The following SPPL2B variants were observed in gnomAD, a reference collection of about 807,000 sequenced individuals.
SPPL2B encodes signal peptide peptidase-like 2B.
A neutral mutation model predicts 59.7 loss-of-function variants in SPPL2B; 39 were observed. That is an observed-to-expected ratio of 0.65 (90% CI 0.51 to 0.85). The LOEUF is 0.85. SPPL2B is among the 40% of genes least tolerant of loss of function. The probability of loss-of-function intolerance (pLI) is 0.00; values close to 1 mark genes in which losing one functional copy is unlikely to be tolerated. For synonymous variants in SPPL2B, 419 were observed against 370.8 expected (o/e 1.13, Z -1.49); for missense variants, 865 against 849.0 (o/e 1.02, Z -0.23).
intron 3 of SPPL2B, chr19:2,338,480 G>A (rs1177125235): frequency 2.5e-6 from 1 of 401,974 alleles, no homozygotes; most frequent in Admixed American, 4.0e-5. Flanking sequence ...TGTGCGGTTC[G>A]GGAGTCCCAC....
At chr19:2,341,667 T>G (rs1969066222) in intron 8 of SPPL2B, 2 of 449,548 alleles carry the variant, frequency 4.4e-6, no homozygotes, top group Non-Finnish European at 4.5e-6. Flanking sequence ...TTGGCTTTGG[T>G]GTGTATTGGA....
chr19:2,339,226 C>G lies in SPPL2B; in HGVS notation c.599+18C>G. 1 of 1,598,390 alleles carries G rather than the reference C, an allele frequency of 6.3e-7. No individual in the cohort carries two copies. Among genetic ancestry groups the G allele is most frequent in the African/African-American group, 1.3e-5 (1 of 74,802 alleles). On this transcript the variant is annotated intron_variant, in intron 5 of 14. Coordinates refer to ENST00000613503, the MANE Select transcript of SPPL2B (RefSeq NM_152988.3). ...GTGAAGAAGTGAGTTTCGCATCGTG[C>G]GTGTGCTGTGACGGGGTCGGGCGGC...
At chr19:2,333,281 A>G (rs1416467591) in intron 1 of SPPL2B, among the ~76,000 whole-genome samples, 25 of 60,386 alleles carry the variant, frequency 4.1e-4, no homozygotes, top group Admixed American at 8.1e-4. Context: ...GAGCAGGAGG[A>G]GGTGGGGACG....
chr19:2,340,434 C>T (rs557217487), intron 7 of SPPL2B: 28 of 635,696 alleles, frequency 4.4e-5, no homozygotes, highest in African/African-American at 1.5e-4. Flanking sequence ...GGTCGCAGGC[C>T]GAACCCTGGG....
rs369811945 is a variant in SPPL2B, at chr19:2,339,846, G to A, written c.622G>A (p.Asp208Asn). Residue 208 changes from aspartate (D) to asparagine (N), a missense_variant, in exon 6 of 15, where the codon GAC becomes AAC. Physicochemically the swap from Asp to Asn is conservative, Grantham distance 23. Coordinates refer to ENST00000613503, the MANE Select transcript of SPPL2B (RefSeq NM_152988.3). ...AAGAAGGTACATGAAGCACAAGCGCGACGATGGGCCCGAGAAGCAGGAGGA... is the reference window on the plus strand; with the variant it reads ...AAGAAGGTACATGAAGCACAAGCGCAACGATGGGCCCGAGAAGCAGGAGGA... The part of the protein sequence containing the change: ...VKKRYMKHKR[D>N]DGPEKQEDEA... The A allele has an allele frequency of 1.6e-5, 25 of 1,606,556 alleles. No individual in the cohort carries two copies. The highest frequency in any genetic ancestry group is 2.1e-5 in the Non-Finnish European group (25 of 1,176,710).
intron 2 of SPPL2B, among the ~76,000 whole-genome samples, chr19:2,335,713 C>T (rs1462229410): frequency 6.6e-6 from 1 of 151,796 alleles, no homozygotes; most frequent in Middle Eastern, 3.2e-3. Context: ...TCTCCTTTCC[C>T]ACCGCATCCC....
rs1490001413 is a variant in SPPL2B at position 2,332,054 on chromosome 19, G to T, written c.67-2548G>T. On this transcript the variant is annotated intron_variant, in intron 1 of 14. Coordinates refer to ENST00000613503, the MANE Select transcript of SPPL2B (RefSeq NM_152988.3). The surrounding 1 kb of genome is among the most constrained non-coding windows in gnomAD (Gnocchi z 4.6). ...GACTAAGGGGTGCTCTCACGGGCAG[G>T]CAGTCTGGTGGGCAGAACTGGAAAG... Among the ~76,000 whole-genome samples the T allele has an allele frequency of 3.9e-5, 6 of 152,380 alleles. No individual in the cohort carries two copies. The highest frequency in any genetic ancestry group is 1.4e-4 in the African/African-American group (6 of 41,598).
intron 8 of SPPL2B, chr19:2,342,028 G>T (rs1969089270): frequency 5.9e-6 from 1 of 168,384 alleles, no homozygotes; most frequent in African/African-American, 2.4e-5. Flanking sequence ...GTCTCCCATG[G>T]AGGCCTCTGC....
chr19:2,340,227 G>A, intron 7 of SPPL2B, 55 bp downstream of exon 7: 1 of 1,359,368 alleles, frequency 7.4e-7, no homozygotes, highest in South Asian at 1.4e-5. Flanking sequence ...GATGGCCACG[G>A]CCCCTTTGCC....
chr19:2,328,706 C>T lies in SPPL2B; in HGVS notation c.-4C>T, dbSNP rs971342689. On this transcript the variant is annotated 5_prime_UTR_variant, in exon 1 of 15. Transcript: ENST00000613503. ...GCCGTTGGTTGCGGCGGGCACCGGC[C>T]GACATGGCGGCAGCGGTGGCGGCTG... 2.8e-6 allele frequency: 4 copies of T among 1,437,716 alleles called. No homozygotes were observed. The South Asian group carries it at 4.3e-5, about 16-fold the overall frequency. 89.1% of individuals were successfully genotyped at this position (1,437,716 alleles called of 1,614,324 possible). A position where few individuals can be genotyped will look rare whatever the true frequency, so the allele number is the denominator to read the frequency against.
rs1486626051 is a variant in SPPL2B, at chr19:2,332,485, G to A, written c.67-2117G>A. Among the ~76,000 whole-genome samples the A allele has an allele frequency of 6.6e-6, 1 of 152,222 alleles. No individual in the cohort carries two copies. The highest frequency in any genetic ancestry group is 6.5e-5 in the Admixed American group (1 of 15,286). ...GCGTTGTGGTGTCGGCCCGTTTGGTGCGCAGCTCAGCATCCGTTCAGACAT... is the reference window on the plus strand; with the variant it reads ...GCGTTGTGGTGTCGGCCCGTTTGGTACGCAGCTCAGCATCCGTTCAGACAT... On this transcript the variant is annotated intron_variant, in intron 1 of 14. Coordinates refer to ENST00000613503, the MANE Select transcript of SPPL2B (RefSeq NM_152988.3). The surrounding 1 kb of genome is among the most constrained non-coding windows in gnomAD (Gnocchi z 4.6).
chr19:2,328,827 C>T (rs1210045752), intron 1 of SPPL2B, 52 bp downstream of exon 1: 2 of 1,320,350 alleles, frequency 1.5e-6, no homozygotes, highest in Non-Finnish European at 9.7e-7. Context: ...CCTTCGGCCT[C>T]TCTGTCCCCG....
At chr19:2,341,583 C>A in intron 8 of SPPL2B, 1 of 456,186 alleles carries the variant, frequency 2.2e-6, no homozygotes, top group Non-Finnish European at 4.4e-6. Context: ...TGGCCCGTCC[C>A]CGCCCGGTCC....
At chr19:2,334,497 C>A in intron 1 of SPPL2B, 105 bp from the exon 2 acceptor site, 1 of 1,440,708 alleles carries the variant, frequency 6.9e-7, no homozygotes, top group Non-Finnish European at 9.2e-7. Flanking sequence ...TGAACATGGG[C>A]GCCCTTCCTG....
intron 7 of SPPL2B, chr19:2,340,385 CG>C: frequency 1.3e-5 from 8 of 609,276 alleles, no homozygotes; most frequent in Non-Finnish European, 8.7e-6. Context: ...CCAGGGGTGG[CG>C]GGGGGAGGGT....
At chr19:2,351,781 T>C in intron 14 of SPPL2B, 187 bp downstream of exon 14, 1 of 498,064 alleles carries the variant, frequency 2.0e-6, no homozygotes, top group Non-Finnish European at 3.0e-6. Context: ...GCAGCTCCTG[T>C]GCCGGGTGGG....
Position 2,344,130 on chromosome 19 carries a change from C to T in SPPL2B, c.1113+91C>T, listed in dbSNP as rs1290365771. The T allele has an allele frequency of 3.9e-3, 2,476 of 642,212 alleles. 13 individuals are homozygous for T. The highest frequency in any genetic ancestry group is 5.1e-3 in the Non-Finnish European group (2,089 of 405,976). 39.8% of individuals were successfully genotyped at this position (642,212 alleles called of 1,614,324 possible). On this transcript the variant is annotated intron_variant, in intron 10 of 14. Transcript: ENST00000613503. ...CCCATCACCCCCCCCATCACCCCGC[C>T]CCCTCGTCCCGCCCCCTCGTCCCCC...
chr19:2,341,090 C>T (rs754808464), intron 8 of SPPL2B, 76 bp downstream of exon 8: 1 of 1,058,894 alleles, frequency 9.4e-7, no homozygotes, highest in Middle Eastern at 2.0e-4. Flanking sequence ...GCCCTGACTC[C>T]CTGCCCTCCC....
rs1317460659 is a variant in SPPL2B at position 2,353,781 on chromosome 19, G to C, written c.*572G>C. On this transcript the variant is annotated 3_prime_UTR_variant, in exon 15 of 15. Transcript: ENST00000613503. ...TGGCCCCTGACGCTGGCTGAGACAGGCCCGTGGGGCGGGGTTTTGGGGCGT... is the reference window on the plus strand; with the variant it reads ...TGGCCCCTGACGCTGGCTGAGACAGCCCCGTGGGGCGGGGTTTTGGGGCGT... 1 of 154,694 alleles carries C rather than the reference G, an allele frequency of 6.5e-6. No homozygotes were observed. The highest frequency in any genetic ancestry group is 1.4e-5 in the Non-Finnish European group (1 of 69,806). 9.6% of individuals were successfully genotyped at this position (154,694 alleles called of 1,614,324 possible). A position where few individuals can be genotyped will look rare whatever the true frequency, so the allele number is the denominator to read the frequency against.
Sources: gnomAD v4.1 joint callset for allele counts (sites outside exome capture counted in the v4.1 genomes callset) on GRCh38, gnomAD v4.1.1 for gene constraint, Gnocchi (gnomAD v3.1) non-coding constraint, MANE v1.5 for transcripts, NCBI Gene and HGNC (gene_info 2026-07-23, HGNC 2026-07-21) for gene names.